Variants in ZCCHC7 observed in about 807,000 individuals in gnomAD.
ZCCHC7 encodes the protein zinc finger CCHC-type containing 7, also known as zinc finger CCHC domain-containing protein 7.
A neutral mutation model predicts 52.0 loss-of-function variants in ZCCHC7; 35 were observed. The ratio of observed to expected loss-of-function variants is 0.67; its 90% CI spans 0.51 to 0.89. ZCCHC7 has a LOEUF of 0.89. Among genes scored for constraint, ZCCHC7 ranks in the 40% least tolerant of loss-of-function variants. The pLI, the probability that ZCCHC7 is intolerant of heterozygous loss-of-function variation, is 0.00. For missense variants in ZCCHC7, 574 were observed against 649.1 expected (o/e 0.88, Z 1.26); for synonymous variants, 217 against 221.5 (o/e 0.98, Z 0.18).
intron 2 of ZCCHC7, among the ~76,000 whole-genome samples, chr9:37,133,246 G>T (rs923924833): frequency 1.3e-5 from 2 of 152,092 alleles, no homozygotes; most frequent in African/African-American, 4.8e-5. Flanking sequence ...GTCATCTCTG[G>T]ATTACTTAAC....
At chr9:37,267,897 G>T (rs964978627) in intron 2 of ZCCHC7, among the ~76,000 whole-genome samples, 2 of 151,964 alleles carry the variant, frequency 1.3e-5, no homozygotes, top group Non-Finnish European at 2.9e-5. Context: ...TAGAGACAGG[G>T]TCGCACCATG....
intron 2 of ZCCHC7, among the ~76,000 whole-genome samples, chr9:37,288,912 C>A (rs1828392665): frequency 6.6e-6 from 1 of 152,150 alleles, no homozygotes; most frequent in Non-Finnish European, 1.5e-5. Context: ...CCATAATTGA[C>A]AAATTTTATT....
At chr9:37,189,395 T>C (rs1433511931) in intron 2 of ZCCHC7, among the ~76,000 whole-genome samples, 1 of 152,184 alleles carries the variant, frequency 6.6e-6, no homozygotes, top group Non-Finnish European at 1.5e-5. Context: ...TGAATTCTTT[T>C]CCCCCGCTGA....
chr9:37,146,581 A>G (rs1178862087), intron 2 of ZCCHC7, among the ~76,000 whole-genome samples: 7 of 151,914 alleles, frequency 4.6e-5, no homozygotes, highest in Admixed American at 1.3e-4. Context: ...AACATTTTCA[A>G]GTAACAGGAA....
chr9:37,323,675 G>A (rs751054037), intron 5 of ZCCHC7, among the ~76,000 whole-genome samples: 1 of 152,108 alleles, frequency 6.6e-6, no homozygotes, highest in African/African-American at 2.4e-5. Flanking sequence ...AATCTTAATT[G>A]TATATTTCTA....
At chr9:37,264,188 A>G (rs1826992714) in intron 2 of ZCCHC7, among the ~76,000 whole-genome samples, 3 of 152,200 alleles carry the variant, frequency 2.0e-5, no homozygotes, top group Admixed American at 2.0e-4. Context: ...TGTGGAGGTA[A>G]TATTCCTACA....
chr9:37,226,077 C>T (rs1825081837), intron 2 of ZCCHC7, among the ~76,000 whole-genome samples: 1 of 152,174 alleles, frequency 6.6e-6, no homozygotes. Flanking sequence ...GCTACTGGCA[C>T]TAATAAGTTT....
intron 5 of ZCCHC7, among the ~76,000 whole-genome samples, chr9:37,320,232 C>T (rs541644266): frequency 3.3e-5 from 5 of 152,074 alleles, no homozygotes; most frequent in Non-Finnish European, 4.4e-5. Flanking sequence ...CGCCTACCAC[C>T]ACACTCAGCT....
chr9:37,238,255 CT>C (rs1304395782), intron 2 of ZCCHC7, among the ~76,000 whole-genome samples: 1 of 152,128 alleles, frequency 6.6e-6, no homozygotes, highest in African/African-American at 2.4e-5. Context: ...TGTAACATTA[CT>C]TTTGCTTTCC....
At chr9:37,154,794 G>GT (rs1285893195) in intron 2 of ZCCHC7, among the ~76,000 whole-genome samples, 1 of 151,978 alleles carries the variant, frequency 6.6e-6, no homozygotes, top group African/African-American at 2.4e-5. Flanking sequence ...GCACCCGGTC[G>GT]TTAATTAGAG....
intron 5 of ZCCHC7, among the ~76,000 whole-genome samples, chr9:37,310,302 C>A (rs1225005953): frequency 6.6e-6 from 1 of 152,204 alleles, no homozygotes; most frequent in African/African-American, 2.4e-5. Context: ...CACTTGCCAA[C>A]AATTTTTAAA....
At chr9:37,274,295 G>A (rs1292040114) in intron 2 of ZCCHC7, among the ~76,000 whole-genome samples, 1 of 141,632 alleles carries the variant, frequency 7.1e-6, no homozygotes, top group Non-Finnish European at 1.5e-5. Flanking sequence ...TGAGTGTATA[G>A]TGATATAATT....
intron 6 of ZCCHC7, among the ~76,000 whole-genome samples, chr9:37,342,600 C>T (rs1820709508): frequency 6.6e-6 from 1 of 152,114 alleles, no homozygotes; most frequent in African/African-American, 2.4e-5. Flanking sequence ...GAAGAAATAG[C>T]CTATGAGGTG....
intron 2 of ZCCHC7, among the ~76,000 whole-genome samples, chr9:37,184,104 CTA>C (rs1165295186): frequency 5.9e-5 from 9 of 152,120 alleles, no homozygotes; most frequent in African/African-American, 2.2e-4. Context: ...TCAACAGTAT[CTA>C]TTATGCTGAC....
intron 2 of ZCCHC7, among the ~76,000 whole-genome samples, chr9:37,213,416 A>T (rs1229340269): frequency 1.3e-5 from 2 of 152,202 alleles, no homozygotes; most frequent in Admixed American, 1.3e-4. Flanking sequence ...TATTTTAAGA[A>T]ATATTAGTTA....
rs190676445 is a variant in ZCCHC7, at chr9:37,271,283, C to G, written c.611-30905C>G. 1.0e-3 allele frequency among the ~76,000 whole-genome samples: 158 copies of G among 152,186 alleles called. 1 individual carries two copies. Among genetic ancestry groups the G allele is most frequent in the Non-Finnish European group, 5.0e-4 (34 of 67,992 alleles). On this transcript the variant is annotated intron_variant, in intron 2 of 8. Coordinates refer to ENST00000336755, the MANE Select transcript of ZCCHC7 (RefSeq NM_032226.3). ...GACTATCTCATGAAAATACAATCAG[C>G]AAAATCCAGAATGTGTTAAACTCTA...
At chr9:37,334,225 G>C (rs1830560156) in intron 6 of ZCCHC7, among the ~76,000 whole-genome samples, 2 of 151,818 alleles carry the variant, frequency 1.3e-5, no homozygotes, top group African/African-American at 4.8e-5. Flanking sequence ...GATCAAACTT[G>C]TCATAGTCTT....
intron 2 of ZCCHC7, among the ~76,000 whole-genome samples, chr9:37,217,938 A>G (rs1384798316): frequency 6.6e-6 from 1 of 152,220 alleles, no homozygotes; most frequent in African/African-American, 2.4e-5. Flanking sequence ...ATGGCCTATC[A>G]GTAGTTATTC....
intron 5 of ZCCHC7, among the ~76,000 whole-genome samples, chr9:37,310,716 T>G (rs920018635): frequency 6.6e-6 from 1 of 152,114 alleles, no homozygotes; most frequent in African/African-American, 2.4e-5. Context: ...ATGCAGATAT[T>G]ATAGCTCTAA....
Sources: gnomAD v4.1 joint callset for allele counts (sites outside exome capture counted in the v4.1 genomes callset) on GRCh38, gnomAD v4.1.1 for gene constraint, MANE v1.5 for transcripts, NCBI Gene and HGNC (gene_info 2026-07-23, HGNC 2026-07-21) for gene names.